The following DISC1 variants were observed in gnomAD, a reference collection of about 807,000 sequenced individuals.
The protein encoded by DISC1 is disrupted in schizophrenia 1 protein.
DISC1 carries 57 observed loss-of-function variants against 84.5 expected under a neutral mutation model. That is an observed-to-expected ratio of 0.67 (90% CI 0.55 to 0.84). The LOEUF is 0.84. Among genes scored for constraint, DISC1 ranks in the 40% least tolerant of loss-of-function variants. DISC1 has a pLI of 0.00. For synonymous variants in DISC1, 411 were observed against 415.2 expected (o/e 0.99, Z 0.12); for missense variants, 1,000 against 1,057.8 (o/e 0.95, Z 0.76).
chr1:231,704,870 G>A (rs560543874), intron 3 of DISC1, among the ~76,000 whole-genome samples: 6 of 151,608 alleles, frequency 4.0e-5, no homozygotes, highest in African/African-American at 1.5e-4. Flanking sequence ...CTGCGAGCCT[G>A]TGAGCCACAC....
intron 1 of DISC1, among the ~76,000 whole-genome samples, chr1:231,670,043 A>G (rs555560265): frequency 6.6e-6 from 1 of 152,304 alleles, no homozygotes; most frequent in South Asian, 2.1e-4. Flanking sequence ...ATGCAGCCAT[A>G]AAAAAGAATG....
chr1:231,727,436 A>G (rs547334089), intron 3 of DISC1, among the ~76,000 whole-genome samples: 14 of 152,238 alleles, frequency 9.2e-5, no homozygotes, highest in Non-Finnish European at 1.8e-4. Context: ...ACAGAGAGCG[A>G]GTTTAGGACA....
At position 231,713,998 on chromosome 1, in the gene DISC1, G is replaced by A. The variant is rs557919356; in HGVS notation, c.1117+11974G>A. ...ATTTGCGATTGACATTATCCTATAT[G>A]TAGAAAATCTTAAAGAATCCACAAG... On this transcript the variant is annotated intron_variant, in intron 3 of 12. Coordinates refer to ENST00000439617, the MANE Select transcript of DISC1 (RefSeq NM_018662.3). 1.8e-4 allele frequency among the ~76,000 whole-genome samples: 27 copies of A among 151,738 alleles called. No homozygotes were observed. The East Asian group carries it at 4.5e-3, about 25-fold the overall frequency.
chr1:231,965,114 A>ATT (rs775725170), intron 10 of DISC1, among the ~76,000 whole-genome samples: 15 of 152,252 alleles, frequency 9.9e-5, no homozygotes, highest in Non-Finnish European at 1.6e-4. Context: ...TATCAAGTAT[A>ATT]TCAAGTGAGT....
intron 9 of DISC1, among the ~76,000 whole-genome samples, chr1:231,923,317 AAC>A (rs1491036442): frequency 2.3e-4 from 34 of 151,050 alleles, no homozygotes; most frequent in African/African-American, 5.8e-4. Context: ...CAAAAAAAAA[AAC>A]AAAAAGAAAA....
In DISC1 at chr1:231,675,231, G is replaced by A. The variant is rs116532274; in HGVS notation, c.68-18595G>A. Among the ~76,000 whole-genome samples, 801 of 152,126 alleles carry A rather than the reference G, an allele frequency of 5.3e-3. 7 individuals are homozygous for A. Among genetic ancestry groups the A allele is most frequent in the African/African-American group, 0.017 (717 of 41,518 alleles). ...ATTGGTCCTTAGGCTACTCCCGCCCGCAAAGTGTAGCGCTGTCTTGGTGGA... is the reference window on the plus strand; with the variant it reads ...ATTGGTCCTTAGGCTACTCCCGCCCACAAAGTGTAGCGCTGTCTTGGTGGA... On this transcript the variant is annotated intron_variant, in intron 1 of 12. Transcript: ENST00000439617. This position sits in a 1 kb window ranked among gnomAD's most constrained non-coding sequence, Gnocchi z 4.1.
intron 2 of DISC1, among the ~76,000 whole-genome samples, chr1:231,697,022 G>A (rs1444261969): frequency 6.6e-6 from 1 of 152,250 alleles, no homozygotes; most frequent in Non-Finnish European, 1.5e-5. Flanking sequence ...CAGGAAGGCA[G>A]AGTTTGCCTC....
At chr1:231,859,835 T>G (rs1379494208) in intron 9 of DISC1, among the ~76,000 whole-genome samples, 1 of 152,160 alleles carries the variant, frequency 6.6e-6, no homozygotes, top group Non-Finnish European at 1.5e-5. Context: ...TGCCAGATTT[T>G]GTGTTAGTCG....
intron 6 of DISC1, among the ~76,000 whole-genome samples, chr1:231,787,456 GAGAA>G (rs1321716238): frequency 6.6e-6 from 1 of 152,056 alleles, no homozygotes. Context: ...GAGACAGAGA[GAGAA>G]AGAGAGAGAC....
intron 3 of DISC1, among the ~76,000 whole-genome samples, chr1:231,742,888 T>C (rs908485110): frequency 2.0e-5 from 3 of 152,142 alleles, no homozygotes; most frequent in Non-Finnish European, 4.4e-5. Flanking sequence ...CAACACTTTG[T>C]CTTAAAAAAG....
chr1:232,001,911 T>G (rs1159469109), intron 10 of DISC1, among the ~76,000 whole-genome samples: 1 of 152,204 alleles, frequency 6.6e-6, no homozygotes, highest in Non-Finnish European at 1.5e-5. Flanking sequence ...TAAAACCTTT[T>G]GCTCTGTAAA....
intron 9 of DISC1, among the ~76,000 whole-genome samples, chr1:231,872,338 T>G (rs2085524074): frequency 6.6e-6 from 1 of 152,204 alleles, no homozygotes; most frequent in Non-Finnish European, 1.5e-5. Context: ...TTCTCTCCAT[T>G]TGCTTGAAAA....
At chr1:231,638,739 CTG>C (rs1371888611) in intron 1 of DISC1, among the ~76,000 whole-genome samples, 1 of 152,070 alleles carries the variant, frequency 6.6e-6, no homozygotes, top group Non-Finnish European at 1.5e-5. Flanking sequence ...TTACCTATTG[CTG>C]TGTTTACTCG....
rs1335345595 is a variant in DISC1 at position 231,694,642 on chromosome 1, C to A, written c.884C>A (p.Pro295Gln). ...SRPERDMHSL[P>Q]DMDPGSSSSL... ...CCAGAGCGTGACATGCATTCTTTACCAGACATGGACCCTGGCTCCTCCAGT... is the reference window on the plus strand; with the variant it reads ...CCAGAGCGTGACATGCATTCTTTACAAGACATGGACCCTGGCTCCTCCAGT... The change falls in exon 2 of 13, where the codon CCA (proline) becomes CAA (glutamine). Residue 295 changes from proline to glutamine, a missense_variant. Transcript: ENST00000439617. The A allele has an allele frequency of 6.2e-7, 1 of 1,614,272 alleles. No homozygotes were observed. Among genetic ancestry groups the A allele is most frequent in the African/African-American group, 1.3e-5 (1 of 75,084 alleles).
intron 4 of DISC1, among the ~76,000 whole-genome samples, chr1:231,759,052 A>G (rs1008124392): frequency 3.3e-5 from 5 of 152,196 alleles, no homozygotes; most frequent in African/African-American, 1.2e-4. Flanking sequence ...GGGCTTATCA[A>G]GGCAGAGCCC....
chr1:231,676,993 C>T (rs192522288), intron 1 of DISC1, among the ~76,000 whole-genome samples: 1 of 152,174 alleles, frequency 6.6e-6, no homozygotes, highest in African/African-American at 2.4e-5. Flanking sequence ...CACTTTTCCC[C>T]TTAACCTCTT....
intron 6 of DISC1, 77 bp downstream of exon 6, chr1:231,771,147 T>C: frequency 6.8e-7 from 1 of 1,475,760 alleles, no homozygotes; most frequent in Non-Finnish European, 9.0e-7. Context: ...GTCTGCTGTC[T>C]TTCATTTCTA....
intron 4 of DISC1, among the ~76,000 whole-genome samples, chr1:231,763,222 C>T (rs1178658687): frequency 6.6e-6 from 1 of 152,218 alleles, no homozygotes; most frequent in Non-Finnish European, 1.5e-5. Flanking sequence ...CTGCTGTCTG[C>T]ATGGCCATGG....
At chr1:231,705,321 TAAAA>T (rs5781665) in intron 3 of DISC1, among the ~76,000 whole-genome samples, 1 of 104,116 alleles carries the variant, frequency 9.6e-6, no homozygotes, top group African/African-American at 3.9e-5. Flanking sequence ...AAAAAATCAT[TAAAA>T]AAAAAAAAAT....
Sources: gnomAD v4.1 joint callset for allele counts (sites outside exome capture counted in the v4.1 genomes callset) on GRCh38, gnomAD v4.1.1 for gene constraint, Gnocchi (gnomAD v3.1) non-coding constraint, MANE v1.5 for transcripts, NCBI Gene and HGNC (gene_info 2026-07-23, HGNC 2026-07-21) for gene names.